The following DOCK3 variants were observed in gnomAD, a reference collection of about 807,000 sequenced individuals.
DOCK3 encodes the protein dedicator of cytokinesis 3.
Under a neutral mutation model 265.6 loss-of-function variants are expected in DOCK3, and 60 were observed. The ratio of observed to expected loss-of-function variants is 0.23; its 90% confidence interval spans 0.18 to 0.28. The LOEUF is 0.28. Among genes scored for constraint, DOCK3 ranks in the 10% least tolerant of loss-of-function variants. The pLI, the probability that DOCK3 is intolerant of heterozygous loss-of-function variation, is 1.00. For synonymous variants in DOCK3, 881 were observed against 938.0 expected, an observed-to-expected ratio of 0.94 and a Z score of 1.11; for missense variants, 1,981 against 2,594.3, an observed-to-expected ratio of 0.76 and a Z score of 5.14.
At chr3:50,934,831 CATA>C (rs2051266314) in intron 5 of DOCK3, among the ~76,000 whole-genome samples, 1 of 151,960 alleles carries the variant, frequency 6.6e-6, no homozygotes, top group African/African-American at 2.4e-5. Flanking sequence ...TAGAAATAAT[CATA>C]ATATCTACAC....
chr3:50,995,218 T>TA (rs1477187560), intron 5 of DOCK3, among the ~76,000 whole-genome samples: 1 of 152,240 alleles, frequency 6.6e-6, no homozygotes, highest in Non-Finnish European at 1.5e-5. Context: ...TCAACTGATT[T>TA]AAACTTTTAC....
At chr3:51,061,778 C>T (rs1575931715) in intron 5 of DOCK3, among the ~76,000 whole-genome samples, 1 of 152,104 alleles carries the variant, frequency 6.6e-6, no homozygotes, top group Non-Finnish European at 1.5e-5. Context: ...TACTCTCCTG[C>T]TTTTCCTCTC....
intron 5 of DOCK3, among the ~76,000 whole-genome samples, chr3:50,965,618 G>GATAGATATAA (rs1270738210): frequency 1.4e-4 from 22 of 152,126 alleles, no homozygotes; most frequent in African/African-American, 5.1e-4. Context: ...TATAATAACT[G>GATAGATATAA]TAATATATCT....
intron 2 of DOCK3, among the ~76,000 whole-genome samples, chr3:50,821,404 A>G (rs1007792775): frequency 1.3e-5 from 2 of 151,590 alleles, no homozygotes; most frequent in Non-Finnish European, 2.9e-5. Context: ...GGTTCACGCC[A>G]TTCTCCTGCC....
At position 50,855,364 on chromosome 3, in the gene DOCK3, G is replaced by A. The variant is rs542949426; in HGVS notation, c.162+13649G>A. Among the ~76,000 whole-genome samples the A allele has an allele frequency of 3.4e-5, 5 of 148,894 alleles. No homozygotes were observed. In the South Asian group the frequency reaches 8.5e-4, roughly 25 times the overall value. On this transcript the variant is annotated intron_variant, in intron 3 of 52. Coordinates refer to ENST00000266037, the MANE Select transcript of DOCK3 (RefSeq NM_004947.5). ...CCTCCTTGGTTAAATGTATTCCTAG[G>A]TATTGTATTGTATTATGTTGTGTTG...
In DOCK3 at chr3:51,166,046, A is replaced by G. The variant is rs558943456; in HGVS notation, c.1037+5344A>G. 3.4e-5 allele frequency among the ~76,000 whole-genome samples: 5 copies of G among 147,866 alleles called. 1 individual carries two copies. In the South Asian group the frequency reaches 6.3e-4, roughly 19 times the overall value. ...TTTATTCAAAGAACTATATGTATATATATTCTTTTTTTTTTTTTTTTGAGA... is the reference window on the plus strand; with the variant it reads ...TTTATTCAAAGAACTATATGTATATGTATTCTTTTTTTTTTTTTTTTGAGA... On this transcript the variant is annotated intron_variant, in intron 12 of 52. Transcript: ENST00000266037.
chr3:50,888,017 CG>C (rs1203893706), intron 3 of DOCK3, among the ~76,000 whole-genome samples: 2 of 151,894 alleles, frequency 1.3e-5, no homozygotes, highest in Non-Finnish European at 2.9e-5. Context: ...CAGGGCAATT[CG>C]GCAGGAGAAA....
intron 22 of DOCK3, among the ~76,000 whole-genome samples, chr3:51,254,195 C>T (rs1265546453): frequency 6.6e-6 from 1 of 152,244 alleles, no homozygotes; most frequent in Non-Finnish European, 1.5e-5. Flanking sequence ...CTTTCTTAGT[C>T]GTGAGTTCTA....
At chr3:50,859,901 C>T (rs1054628804) in intron 3 of DOCK3, among the ~76,000 whole-genome samples, 1 of 152,148 alleles carries the variant, frequency 6.6e-6, no homozygotes, top group African/African-American at 2.4e-5. Flanking sequence ...TTCTTGAGTG[C>T]TGGCTGTAAT....
chr3:51,171,057 CCTAA>C (rs887582258), intron 12 of DOCK3, among the ~76,000 whole-genome samples: 2 of 151,588 alleles, frequency 1.3e-5, no homozygotes, highest in African/African-American at 2.4e-5. Context: ...TTATTTTTGC[CCTAA>C]CTTTCATTAT....
At chr3:51,184,849 G>A (rs1260896483) in intron 12 of DOCK3, among the ~76,000 whole-genome samples, 11 of 152,152 alleles carry the variant, frequency 7.2e-5, no homozygotes, top group Non-Finnish European at 1.6e-4. Flanking sequence ...CAGATAATCA[G>A]GGATAACATC....
At chr3:51,247,790 C>T (rs969900295) in intron 22 of DOCK3, among the ~76,000 whole-genome samples, 5 of 152,306 alleles carry the variant, frequency 3.3e-5, no homozygotes, top group Middle Eastern at 6.8e-3. Context: ...TCTTGAAGAA[C>T]ATATCCGCAG....
At chr3:51,310,153 A>G in intron 27 of DOCK3, 79 bp from the exon 28 acceptor site, 1 of 1,060,742 alleles carries the variant, frequency 9.4e-7, no homozygotes, top group Non-Finnish European at 1.4e-6. Context: ...GTCATGATCT[A>G]GTGGCGGCCA....
intron 1 of DOCK3, among the ~76,000 whole-genome samples, chr3:50,678,128 T>G (rs1342940835): frequency 2.0e-5 from 3 of 152,144 alleles, no homozygotes. Flanking sequence ...TTCTTGGCAG[T>G]GGGCAGTATT....
At chr3:51,218,873 A>G (rs536606824) in intron 14 of DOCK3, among the ~76,000 whole-genome samples, 9 of 152,308 alleles carry the variant, frequency 5.9e-5, no homozygotes, top group East Asian at 5.8e-4. Context: ...TTTCTAACTT[A>G]GTAGGACTGT....
At chr3:50,707,205 C>T (rs1436598729) in intron 1 of DOCK3, among the ~76,000 whole-genome samples, 1 of 151,922 alleles carries the variant, frequency 6.6e-6, no homozygotes, top group Non-Finnish European at 1.5e-5. Context: ...TTCAAAATTA[C>T]CCAGTCTTGG....
chr3:50,900,718 T>C, intron 4 of DOCK3: 1 of 451,748 alleles, frequency 2.2e-6, no homozygotes, highest in Non-Finnish European at 4.4e-6. Flanking sequence ...TAGTTTTCCT[T>C]CCAATGGTCA....
chr3:51,291,671 A>G (rs1417571236), intron 27 of DOCK3, among the ~76,000 whole-genome samples: 4 of 152,210 alleles, frequency 2.6e-5, no homozygotes, highest in Non-Finnish European at 5.9e-5. Context: ...CCAGACATTT[A>G]CAGACAAACT....
chr3:50,779,121 C>T (rs1034714234), intron 2 of DOCK3, among the ~76,000 whole-genome samples: 1 of 151,958 alleles, frequency 6.6e-6, no homozygotes, highest in East Asian at 1.9e-4. Context: ...TCCAATTGTA[C>T]TCCCTCAGTT....
Sources: allele counts gnomAD v4.1 joint callset (sites outside exome capture counted in the v4.1 genomes callset), GRCh38; gene constraint gnomAD v4.1.1; transcripts MANE v1.5; gene names NCBI Gene and HGNC (gene_info 2026-07-23, HGNC 2026-07-21).